The following NOVA1 variants were observed in gnomAD, a reference collection of about 807,000 sequenced individuals.
The protein encoded by NOVA1 is NOVA alternative splicing regulator 1.
A neutral mutation model predicts 38.0 loss-of-function variants in NOVA1; 7 were observed. The ratio of observed to expected loss-of-function variants is 0.18; its 90% confidence interval spans 0.10 to 0.35. The LOEUF is 0.35. Ranked by LOEUF, NOVA1 falls within the 10% of genes least tolerant of loss-of-function variation. NOVA1 has a pLI of 1.00. For synonymous variants in NOVA1, 270 were observed against 232.5 expected, an observed-to-expected ratio of 1.16 and a Z score of -1.47; for missense variants, 460 against 616.0, an observed-to-expected ratio of 0.75 and a Z score of 2.68.
intron 2 of NOVA1, among the ~76,000 whole-genome samples, chr14:26,498,493 A>G (rs1329428691): frequency 6.6e-6 from 1 of 152,162 alleles, no homozygotes; most frequent in Admixed American, 6.5e-5. Flanking sequence ...TCTATAATCA[A>G]CTGACAAGAA....
chr14:26,451,686 T>A (rs1882694979), intron 4 of NOVA1, among the ~76,000 whole-genome samples: 1 of 152,172 alleles, frequency 6.6e-6, no homozygotes, highest in South Asian at 2.1e-4. Context: ...TTTGAAATAA[T>A]ATATAATTTA....
chr14:26,571,246 G>T (rs186000948), intron 2 of NOVA1, among the ~76,000 whole-genome samples: 1 of 151,814 alleles, frequency 6.6e-6, no homozygotes, highest in African/African-American at 2.4e-5. Flanking sequence ...GTGTCCTCAC[G>T]TTCTAAAAAG....
chr14:26,521,771 T>C (rs1888917066), intron 2 of NOVA1, among the ~76,000 whole-genome samples: 1 of 152,030 alleles, frequency 6.6e-6, no homozygotes, highest in Non-Finnish European at 1.5e-5. Flanking sequence ...AAGTAAATAT[T>C]TTATGTTTTG....
intron 4 of NOVA1, among the ~76,000 whole-genome samples, chr14:26,464,183 T>C (rs1026864623): frequency 9.8e-5 from 15 of 152,308 alleles, no homozygotes; most frequent in African/African-American, 2.9e-4. Context: ...ATGTGCTGCA[T>C]TGTGACATTT....
Position 26,597,507 on chromosome 14 carries a change from C to CTT in NOVA1, c.-73_-72dup, listed in dbSNP as rs563401938. The CTT allele has an allele frequency of 0.14, 101,830 of 745,774 alleles. 206 individuals carry two copies. The highest frequency in any genetic ancestry group is 0.14 in the Non-Finnish European group (93,562 of 648,140). 46.2% of individuals were successfully genotyped at this position (745,774 alleles called of 1,614,324 possible). A position where few individuals can be genotyped will look rare whatever the true frequency, so the allele number is the denominator to read the frequency against. ...GTTTTGGCTTTTTCTTTTCTTTTTT[C>CTT]TTTTTTTTTTTTTTTTTTTTTTGCG... is the stretch of plus-strand genomic sequence containing the variant. On this transcript the variant is annotated 5_prime_UTR_variant, in exon 1 of 5. Coordinates refer to ENST00000539517, the MANE Select transcript of NOVA1 (RefSeq NM_002515.3).
At chr14:26,526,093 C>T (rs755246822) in intron 2 of NOVA1, among the ~76,000 whole-genome samples, 15 of 152,028 alleles carry the variant, frequency 9.9e-5, no homozygotes, top group South Asian at 2.1e-4. Flanking sequence ...GAACTGCTTG[C>T]TAATTTATAA....
At chr14:26,479,892 T>C (rs1393049948) in intron 3 of NOVA1, 85 bp downstream of exon 3, 39 of 1,434,826 alleles carry the variant, frequency 2.7e-5, no homozygotes, top group Non-Finnish European at 3.6e-5. Flanking sequence ...ATAAAAGTTT[T>C]ATGCTAACAC....
At chr14:26,482,624 A>G (rs1426847348) in intron 2 of NOVA1, among the ~76,000 whole-genome samples, 2 of 152,208 alleles carry the variant, frequency 1.3e-5, no homozygotes, top group Non-Finnish European at 2.9e-5. Context: ...CACACTAGCA[A>G]CGAGAGGTGA....
chr14:26,554,756 T>C (rs1260941836), intron 2 of NOVA1, among the ~76,000 whole-genome samples: 1 of 152,172 alleles, frequency 6.6e-6, no homozygotes, highest in African/African-American at 2.4e-5. Context: ...TTTTGACTAT[T>C]CATTTCTCTA....
chr14:26,576,090 T>C (rs928210996), intron 2 of NOVA1, among the ~76,000 whole-genome samples: 1 of 151,720 alleles, frequency 6.6e-6, no homozygotes, highest in Non-Finnish European at 1.5e-5. Context: ...AATCCTCAAA[T>C]AGATGAATTA....
intron 2 of NOVA1, among the ~76,000 whole-genome samples, chr14:26,530,957 C>T (rs17111350): frequency 0.012 from 1,755 of 152,242 alleles, 24 homozygotes; most frequent in Middle Eastern, 0.058. Context: ...GAATATTTTG[C>T]ATGTGACAAG....
chr14:26,466,841 G>C (rs1319715171), intron 4 of NOVA1, among the ~76,000 whole-genome samples: 1 of 152,092 alleles, frequency 6.6e-6, no homozygotes, highest in Non-Finnish European at 1.5e-5. Context: ...TCCCCATTTT[G>C]TACTTCTGTC....
At position 26,516,429 on chromosome 14, in the gene NOVA1, G is replaced by C. The variant is rs530990287; in HGVS notation, c.281-36286C>G. ...GCTTTTATGTACCACTTTAATGTTTGCCTAATTTAAGATCATAAAGATATT... is the reference window on the plus strand; with the variant it reads ...GCTTTTATGTACCACTTTAATGTTTCCCTAATTTAAGATCATAAAGATATT... On this transcript the variant is annotated intron_variant, in intron 2 of 4. Coordinates refer to ENST00000539517, the MANE Select transcript of NOVA1 (RefSeq NM_002515.3). Among the ~76,000 whole-genome samples, 5 of 151,962 alleles carry C rather than the reference G, an allele frequency of 3.3e-5. No individual in the cohort carries two copies. In the East Asian group the frequency reaches 9.7e-4, roughly 29 times the overall value.
intron 2 of NOVA1, among the ~76,000 whole-genome samples, chr14:26,530,369 C>T (rs557654588): frequency 6.6e-6 from 1 of 151,950 alleles, no homozygotes; most frequent in Non-Finnish European, 1.5e-5. Flanking sequence ...AAAGTATCAA[C>T]CCGGAAAGAT....
intron 2 of NOVA1, among the ~76,000 whole-genome samples, chr14:26,485,303 A>G (rs1462194443): frequency 6.6e-6 from 1 of 152,178 alleles, no homozygotes; most frequent in Non-Finnish European, 1.5e-5. Flanking sequence ...CAAAATATCT[A>G]TAAAGCCAGT....
chr14:26,492,902 C>T (rs538678949), intron 2 of NOVA1, among the ~76,000 whole-genome samples: 267 of 151,700 alleles, frequency 1.8e-3, no homozygotes, highest in African/African-American at 5.7e-3. Context: ...CACTGCACTC[C>T]AGCCTGGGCT....
At chr14:26,565,711 A>G (rs1376264026) in intron 2 of NOVA1, among the ~76,000 whole-genome samples, 1 of 152,198 alleles carries the variant, frequency 6.6e-6, no homozygotes, top group Non-Finnish European at 1.5e-5. Context: ...ATAAAATACA[A>G]GCAAATCACC....
intron 2 of NOVA1, among the ~76,000 whole-genome samples, chr14:26,563,220 G>C (rs1342473630): frequency 1.3e-5 from 2 of 151,420 alleles, no homozygotes; most frequent in Non-Finnish European, 2.9e-5. Context: ...AAACTCAGAG[G>C]AAATACAATA....
At chr14:26,571,565 G>A (rs945203771) in intron 2 of NOVA1, among the ~76,000 whole-genome samples, 3 of 152,176 alleles carry the variant, frequency 2.0e-5, no homozygotes, top group East Asian at 3.8e-4. Flanking sequence ...GAGCGAGGAG[G>A]CTCCAGCAAC....
Sources: gnomAD v4.1 joint callset for allele counts (sites outside exome capture counted in the v4.1 genomes callset) on GRCh38, gnomAD v4.1.1 for gene constraint, MANE v1.5 for transcripts, NCBI Gene and HGNC (gene_info 2026-07-23, HGNC 2026-07-21) for gene names.